FRY: variants seen among roughly 807,000 people sequenced by gnomAD.
FRY encodes the protein FRY microtubule binding protein.
FRY carries 128 observed loss-of-function variants against 348.4 expected under a neutral mutation model. That is an observed-to-expected ratio of 0.37 (90% CI 0.32 to 0.43). FRY has a LOEUF of 0.43. Ranked by LOEUF, FRY falls within the 20% of genes least tolerant of loss-of-function variation. The pLI is 1.00. For missense variants in FRY, 2,736 were observed against 3,695.2 expected (o/e 0.74, Z 6.73); for synonymous variants, 1,370 against 1,374.7 (o/e 1.00, Z 0.08).
intron 50 of FRY, 42 bp from the exon 51 acceptor site, chr13:32,254,182 A>G: frequency 6.2e-7 from 1 of 1,607,362 alleles, no homozygotes; most frequent in East Asian, 2.2e-5. Context: ...ACAAACAACC[A>G]AAGGGAGAAC....
rs1395298012 is a variant in FRY, at chr13:32,078,891, A to G, written c.128A>G (p.His43Arg). The change falls in exon 2 of 61, where the codon CAC becomes CGC. Residue 43 changes from histidine to arginine, a missense_variant. Around this residue, in one of 9 missense-constraint regions of FRY, gnomAD observed 309 missense variants for 418.1 expected, o/e 0.74. Transcript: ENST00000542859. ...CCGGTTCCACCTGCTTCTGGCACGC[A>G]CAGGGAGAAAGGGCCGCCAACCATG... ...KPPVPPASGT[H>R]REKGPPTMLP... 1 of 1,613,962 alleles carries G rather than the reference A, an allele frequency of 6.2e-7. No individual in the cohort carries two copies. Among genetic ancestry groups the G allele is most frequent in the Non-Finnish European group, 8.5e-7 (1 of 1,179,986 alleles).
chr13:32,271,752 G>A (rs1338792372), intron 55 of FRY, among the ~76,000 whole-genome samples: 1 of 152,236 alleles, frequency 6.6e-6, no homozygotes, highest in Non-Finnish European at 1.5e-5. Flanking sequence ...GCCATTTGTT[G>A]TCTGGTAACA....
chr13:32,285,809 C>T (rs1000650658), intron 58 of FRY, among the ~76,000 whole-genome samples: 7 of 152,122 alleles, frequency 4.6e-5, no homozygotes, highest in African/African-American at 9.7e-5. Context: ...GGAAATTCTG[C>T]GGCTATATAG....
At chr13:32,196,529 C>G (rs1883686188) in intron 29 of FRY, among the ~76,000 whole-genome samples, 1 of 151,970 alleles carries the variant, frequency 6.6e-6, no homozygotes, top group African/African-American at 2.4e-5. Flanking sequence ...TCTCTACATC[C>G]TTCTTTTTGG....
At chr13:32,272,407 A>G (rs1888250182) in intron 55 of FRY, among the ~76,000 whole-genome samples, 2 of 152,246 alleles carry the variant, frequency 1.3e-5, no homozygotes, top group South Asian at 2.1e-4. Flanking sequence ...CTTGTTACTC[A>G]TATGTGAGAA....
chr13:32,121,352 T>A (rs1316326232), intron 4 of FRY, among the ~76,000 whole-genome samples: 1 of 152,214 alleles, frequency 6.6e-6, no homozygotes, highest in African/African-American at 2.4e-5. Context: ...TCCACACTGT[T>A]TTCCATAGCA....
chr13:32,271,091 T>C (rs1316753142), intron 55 of FRY, among the ~76,000 whole-genome samples: 2 of 152,156 alleles, frequency 1.3e-5, no homozygotes, highest in African/African-American at 4.8e-5. Context: ...AGGCTCTTTC[T>C]CCACCCTCTA....
chr13:32,103,856 A>G (rs1275290622), intron 3 of FRY, among the ~76,000 whole-genome samples: 1 of 152,104 alleles, frequency 6.6e-6, no homozygotes. Context: ...GGTCCCAGCT[A>G]TTCAGGATGC....
Position 32,210,996 on chromosome 13 carries a change from G to A in FRY, c.4553G>A (p.Arg1518His), listed in dbSNP as rs201245579. ...VQHCDNPPFY[R>H]FTASSKASAA... is the part of the protein sequence containing the mutation. ...CATTGTGACAACCCGCCCTTCTACC[G>A]CTTCACGGCCAGTAGCAAGGCTTCC... Residue 1518 changes from arginine to histidine, a missense_variant, in exon 34 of 61, where the codon CGC (arginine) becomes CAC (histidine). By Grantham distance (29) the Arg-to-His change is conservative. This residue lies in a region of FRY where 794 missense variants were observed against 977.0 expected (regional missense o/e 0.81). Transcript: ENST00000542859. The A allele has an allele frequency of 5.6e-6, 9 of 1,613,968 alleles. No individual in the cohort carries two copies. The highest frequency in any genetic ancestry group is 2.7e-5 in the African/African-American group (2 of 75,048).
At chr13:32,200,430 A>G (rs1350424950) in intron 29 of FRY, among the ~76,000 whole-genome samples, 1 of 152,212 alleles carries the variant, frequency 6.6e-6, no homozygotes, top group East Asian at 1.9e-4. Context: ...ACCGTTTAAT[A>G]GTTCAACTCA....
intron 51 of FRY, among the ~76,000 whole-genome samples, chr13:32,260,974 G>A (rs1887608459): frequency 6.6e-6 from 1 of 152,204 alleles, no homozygotes; most frequent in Non-Finnish European, 1.5e-5. Flanking sequence ...TCTACACCGG[G>A]ACAATTATTT....
At chr13:32,264,246 C>G (rs1006260811) in intron 53 of FRY, among the ~76,000 whole-genome samples, 3 of 152,174 alleles carry the variant, frequency 2.0e-5, no homozygotes, top group Non-Finnish European at 2.9e-5. Context: ...ATTGGCAGCA[C>G]TGTAGTTTTA....
At position 32,135,200 on chromosome 13, in the gene FRY, A is replaced by G. The variant is rs780225363; in HGVS notation, c.1077+17A>G. 1 of 1,492,092 alleles carries G rather than the reference A, an allele frequency of 6.7e-7. No individual in the cohort carries two copies. The highest frequency in any genetic ancestry group is 9.4e-7 in the Non-Finnish European group (1 of 1,069,042). 92.4% of individuals were successfully genotyped at this position (1,492,092 alleles called of 1,614,324 possible). A position where few individuals can be genotyped will look rare whatever the true frequency, so the allele number is the denominator to read the frequency against. Reference sequence around the variant, plus strand: ...CATTCCTTGGTTAGTAACTATGAGAAAATCGAAAACACAAACAAAACTGCA... The same window carrying G: ...CATTCCTTGGTTAGTAACTATGAGAGAATCGAAAACACAAACAAAACTGCA... On this transcript the variant is annotated intron_variant, in intron 10 of 60. Transcript: ENST00000542859.
chr13:32,225,908 CGA>C lies in FRY; in HGVS notation c.5145_5146del (p.Glu1715AspfsTer3), dbSNP rs755745413. 1 of 1,614,136 alleles carries C rather than the reference CGA, an allele frequency of 6.2e-7. No homozygotes were observed. Among genetic ancestry groups the C allele is most frequent in the Non-Finnish European group, 8.5e-7 (1 of 1,180,000 alleles). On this transcript the variant is annotated frameshift_variant, in exon 39 of 61. Coordinates refer to ENST00000542859, the MANE Select transcript of FRY (RefSeq NM_023037.3). LOFTEE classifies it high-confidence loss of function. Reference sequence around the variant, plus strand: ...CATTGCTTCCGTGCTCCTGCAGACCCGAGAGATGGGTGAAGCTAAGACTCTAA... The same window carrying C: ...CATTGCTTCCGTGCTCCTGCAGACCCGAGATGGGTGAAGCTAAGACTCTAA... Reference protein sequence around the residue: ...HSIASVLLQTREMGEAKTLTV... With the variant: ...HSIASVLLQTXEMGEAKTLTV...
At chr13:32,238,108 G>A (rs1886310931) in intron 44 of FRY, 122 bp downstream of exon 44, 2 of 1,063,164 alleles carry the variant, frequency 1.9e-6, no homozygotes, top group South Asian at 1.3e-5. Flanking sequence ...TTCCTTGGGA[G>A]TAGTTTATTT....
chr13:32,162,132 G>A (rs1208062741), intron 17 of FRY, among the ~76,000 whole-genome samples: 3 of 152,162 alleles, frequency 2.0e-5, no homozygotes, highest in African/African-American at 7.2e-5. Context: ...TAGATTTTCA[G>A]CTAATCTTAA....
At position 32,178,873 on chromosome 13, in the gene FRY, C is replaced by T. The variant is rs767331745; in HGVS notation, c.2711C>T (p.Thr904Ile). The T allele has an allele frequency of 1.3e-5, 21 of 1,613,616 alleles. No individual in the cohort carries two copies. Among genetic ancestry groups the T allele is most frequent in the Non-Finnish European group, 1.7e-5 (20 of 1,179,628 alleles). Residue 904 changes from threonine to isoleucine, a missense_variant, in exon 22 of 61, where the codon ACT becomes ATT. Transcript: ENST00000542859. ...NSPINAKKTS[T>I]AGSGDNYVTL... is the part of the protein sequence containing the mutation. ...CCAATTAATGCCAAGAAAACCAGCACTGCCGGCAGCGGAGACAACTATGTT... is the reference window on the plus strand; with the variant it reads ...CCAATTAATGCCAAGAAAACCAGCATTGCCGGCAGCGGAGACAACTATGTT...
At chr13:32,115,837 C>G (rs1303687810) in intron 3 of FRY, among the ~76,000 whole-genome samples, 1 of 152,006 alleles carries the variant, frequency 6.6e-6, no homozygotes, top group Non-Finnish European at 1.5e-5. Context: ...TTCACATGCA[C>G]TCTATATGTT....
chr13:32,099,979 C>A (rs1167493239), intron 2 of FRY, among the ~76,000 whole-genome samples: 1 of 152,052 alleles, frequency 6.6e-6, no homozygotes, highest in African/African-American at 2.4e-5. Context: ...CCAAATTCAC[C>A]AGTTACACCT....
Sources: gnomAD v4.1 joint callset for allele counts (sites outside exome capture counted in the v4.1 genomes callset) on GRCh38, gnomAD v4.1.1 for gene constraint, gnomAD v4.1.1 regional missense constraint, MANE v1.5 for transcripts, NCBI Gene and HGNC (gene_info 2026-07-23, HGNC 2026-07-21) for gene names.